NSMF: variants seen among roughly 807,000 people sequenced by gnomAD.
NSMF encodes the protein nasal embryonic LHRH factor.
NSMF carries 31 observed loss-of-function variants against 71.0 expected under a neutral mutation model. The observed-to-expected ratio is 0.44, with a 90% confidence interval of 0.33 to 0.59. NSMF has a LOEUF of 0.59. Among genes scored for constraint, NSMF ranks in the 20% least tolerant of loss-of-function variants. The probability of loss-of-function intolerance (pLI) is 0.04; values close to 1 mark genes in which losing one functional copy is unlikely to be tolerated. For missense variants in NSMF, 673 were observed against 740.5 expected, an observed-to-expected ratio of 0.91 and a Z score of 1.06; for synonymous variants, 345 against 287.1, an observed-to-expected ratio of 1.20 and a Z score of -2.04.
rs1413244490 is a variant in NSMF at position 137,453,876 on chromosome 9, C to G, written c.833-56G>C. On this transcript the variant is annotated intron_variant, in intron 7 of 15. Transcript: ENST00000371475. The surrounding 1 kb of genome is among the most constrained non-coding windows in gnomAD (Gnocchi z 4.5). ...GGGTGGGGCGGGGCCTCGGGAGTCT[C>G]AGACCCCAGGCGAGGGGACCACAGG... The G allele has an allele frequency of 6.8e-7, 1 of 1,465,858 alleles. No homozygotes were observed. Among genetic ancestry groups the G allele is most frequent in the Non-Finnish European group, 9.2e-7 (1 of 1,083,256 alleles). 90.8% of individuals were successfully genotyped at this position (1,465,858 alleles called of 1,614,324 possible).
chr9:137,452,081 C>T (rs1229567735), intron 12 of NSMF, among the ~76,000 whole-genome samples: 1 of 60,966 alleles, frequency 1.6e-5, no homozygotes, highest in Non-Finnish European at 3.1e-5. Context: ...CCCTTGGTCT[C>T]CCCCAGCCAC....
chr9:137,453,712 G>T lies in NSMF; in HGVS notation c.922+19C>A. On this transcript the variant is annotated intron_variant, in intron 8 of 15. Coordinates refer to ENST00000371475, the MANE Select transcript of NSMF (RefSeq NM_001130969.3). The surrounding 1 kb of genome is among the most constrained non-coding windows in gnomAD (Gnocchi z 4.5). ...GGGAGGCTCTGGGGAAGGTGGGCGG[G>T]CCTGTGCGGGGCACCTACTGTCTCG... 1 of 1,585,026 alleles carries T rather than the reference G, an allele frequency of 6.3e-7. No individual in the cohort carries two copies.
intron 1 of NSMF, 119 bp downstream of exon 1, chr9:137,458,913 G>T: frequency 2.6e-6 from 2 of 759,546 alleles, no homozygotes; most frequent in Non-Finnish European, 3.8e-6. Flanking sequence ...CGCGGGGAGG[G>T]CGCCTCAGTG....
chr9:137,455,079 G>T, intron 6 of NSMF, 160 bp downstream of exon 6: 1 of 812,762 alleles, frequency 1.2e-6, no homozygotes, highest in South Asian at 1.4e-5. Flanking sequence ...CTGCAGCCCG[G>T]GCCACATGGC....
At position 137,447,683 on chromosome 9, in the gene NSMF, C is replaced by T. The variant is rs1839670570; in HGVS notation, c.*1711G>A. Reference sequence around the variant, plus strand: ...TGGAGGTGGCTGACGGCTGTGTGACCACCCCCAGCACACTGGGCCTCAAGC... The same window carrying T: ...TGGAGGTGGCTGACGGCTGTGTGACTACCCCCAGCACACTGGGCCTCAAGC... On this transcript the variant is annotated 3_prime_UTR_variant, in exon 16 of 16. Coordinates refer to ENST00000371475, the MANE Select transcript of NSMF (RefSeq NM_001130969.3). 2 of 150,844 alleles carry T rather than the reference C, an allele frequency of 1.3e-5. No individual in the cohort carries two copies. The highest frequency in any genetic ancestry group is 4.9e-5 in the African/African-American group (2 of 40,892). The allele number at this position is 150,844 out of a possible 1,614,324, so 9.3% of individuals were successfully genotyped here. A position where few individuals can be genotyped will look rare whatever the true frequency, so the allele number is the denominator to read the frequency against.
rs1323533833 is a variant in NSMF, at chr9:137,453,441, C to T, written c.923-261G>A. The T allele has an allele frequency of 9.9e-6, 6 of 606,788 alleles. No individual in the cohort carries two copies. Among genetic ancestry groups the T allele is most frequent in the Admixed American group, 3.0e-5 (1 of 33,542 alleles). 37.6% of individuals were successfully genotyped at this position (606,788 alleles called of 1,614,324 possible). A position where few individuals can be genotyped will look rare whatever the true frequency, so the allele number is the denominator to read the frequency against. ...ATCAGCTCCAGCCAAGTCCGCCGGG[C>T]GCCTGGGAGGGAGTGGGGGCGGGCA... On this transcript the variant is annotated intron_variant, in intron 8 of 15. Coordinates refer to ENST00000371475, the MANE Select transcript of NSMF (RefSeq NM_001130969.3). The surrounding 1 kb of genome is among the most constrained non-coding windows in gnomAD (Gnocchi z 4.5).
chr9:137,456,348 G>A (rs549012277), intron 4 of NSMF, 63 bp downstream of exon 4: 18 of 1,338,030 alleles, frequency 1.3e-5, no homozygotes, highest in Non-Finnish European at 1.8e-5. Context: ...AAAAAGTGCT[G>A]TTTCCTGAGC....
Position 137,447,727 on chromosome 9 carries a change from C to A in NSMF, c.*1667G>T, listed in dbSNP as rs1588486838. The A allele has an allele frequency of 6.6e-6, 1 of 151,726 alleles. No homozygotes were observed. Among genetic ancestry groups the A allele is most frequent in the East Asian group, 1.9e-4 (1 of 5,144 alleles). 9.4% of individuals were successfully genotyped at this position (151,726 alleles called of 1,614,324 possible). A position where few individuals can be genotyped will look rare whatever the true frequency, so the allele number is the denominator to read the frequency against. On this transcript the variant is annotated 3_prime_UTR_variant, in exon 16 of 16. Coordinates refer to ENST00000371475, the MANE Select transcript of NSMF (RefSeq NM_001130969.3). Reference sequence around the variant, plus strand: ...CTCAAGCCTGCCAGGCTGTGCCAGGCTGCGCACCAGTGGCCCCCTGACCCT... The same window carrying A: ...CTCAAGCCTGCCAGGCTGTGCCAGGATGCGCACCAGTGGCCCCCTGACCCT...
chr9:137,456,277 G>A (rs1830829642), intron 4 of NSMF, 134 bp downstream of exon 4: 5 of 790,804 alleles, frequency 6.3e-6, no homozygotes, highest in Admixed American at 3.4e-5. Context: ...GGCAGGCCTG[G>A]CACAGCATAG....
Position 137,457,748 on chromosome 9 carries a change from CCCTCG to C in NSMF, c.282_286del (p.Glu95ProfsTer19). ...GATGGTGTACACTCGAGGCTGAGGGCCCTCGCCTGCGGGCTTCCTAATGCTGGGCT... is the reference window on the plus strand; with the variant it reads ...GATGGTGTACACTCGAGGCTGAGGGCCCTGCGGGCTTCCTAATGCTGGGCT... On this transcript the variant is annotated frameshift_variant, in exon 3 of 16. Coordinates refer to ENST00000371475, the MANE Select transcript of NSMF (RefSeq NM_001130969.3). LOFTEE classifies it high-confidence loss of function. 6.4e-7 allele frequency: 1 copy of C among 1,558,432 alleles called. No individual in the cohort carries two copies.
At chr9:137,456,388 C>T (rs771376790) in intron 4 of NSMF, 23 bp downstream of exon 4, 2 of 1,595,492 alleles carry the variant, frequency 1.3e-6, no homozygotes, top group Non-Finnish European at 1.7e-6. Flanking sequence ...ACCCTGACCC[C>T]AAGTCGTGGG....
Position 137,453,152 on chromosome 9 carries a change from C to A in NSMF, c.951G>T (p.Thr317=), listed in dbSNP as rs575023416. 5 of 1,612,526 alleles carry A rather than the reference C, an allele frequency of 3.1e-6. No homozygotes were observed. Among genetic ancestry groups the A allele is most frequent in the Non-Finnish European group, 4.2e-6 (5 of 1,179,902 alleles). The change falls in exon 9 of 16, where the codon ACG becomes ACT. Residue 317 remains threonine, a synonymous_variant. Coordinates refer to ENST00000371475, the MANE Select transcript of NSMF (RefSeq NM_001130969.3). The surrounding 1 kb of genome is among the most constrained non-coding windows in gnomAD (Gnocchi z 4.5). ...DSSDLQSSHC[T]LDEAFEDLDW... The stretch of plus-strand genomic sequence containing the variant: ...CCAGGTCCTCGAAGGCCTCGTCCAG[C>A]GTGCAGTGGGAGCTCTGCAGGTCAC...
Position 137,454,727 on chromosome 9 carries a change from G to A in NSMF, c.780-284C>T, listed in dbSNP as rs556479311. On this transcript the variant is annotated intron_variant, in intron 6 of 15. Transcript: ENST00000371475. Reference sequence around the variant, plus strand: ...CTGCATTCCCAGGCTCTGACCTTCCGTCCTCGCCCGGGACTTACGCCCTGA... The same window carrying A: ...CTGCATTCCCAGGCTCTGACCTTCCATCCTCGCCCGGGACTTACGCCCTGA... 29 of 1,489,650 alleles carry A rather than the reference G, an allele frequency of 1.9e-5. No homozygotes were observed. In the East Asian group the frequency reaches 3.5e-4, roughly 18 times the overall value. The allele number at this position is 1,489,650 out of a possible 1,614,324, so 92.3% of individuals were successfully genotyped here.
chr9:137,452,895 T>A, intron 9 of NSMF, 76 bp from the exon 10 acceptor site: 1 of 1,548,130 alleles, frequency 6.5e-7, no homozygotes, highest in Non-Finnish European at 8.8e-7. Flanking sequence ...CCCATGAGGC[T>A]ACCTTCTGGC....
rs368714591 is a variant in NSMF at position 137,450,289 on chromosome 9, C to T, written c.1237-34G>A. 1.3e-5 allele frequency: 20 copies of T among 1,556,362 alleles called. No homozygotes were observed. The East Asian group carries it at 3.4e-4, about 26-fold the overall frequency. On this transcript the variant is annotated intron_variant, in intron 12 of 15. Transcript: ENST00000371475. ...AGCTGTGGTCAGGCATCTGCTCCTC[C>T]TTCCTCCCCCTCTCCGACACACATG...
chr9:137,457,367 C>A, intron 3 of NSMF, 40 bp downstream of exon 3: 1 of 1,612,480 alleles, frequency 6.2e-7, no homozygotes, highest in African/African-American at 1.3e-5. Context: ...CAGCGGCATG[C>A]ACCCCCAAAC....
intron 4 of NSMF, 80 bp downstream of exon 4, chr9:137,456,331 G>T: frequency 1.7e-6 from 2 of 1,172,506 alleles, no homozygotes; most frequent in Non-Finnish European, 2.6e-6. Context: ...TAGGCCCAGA[G>T]ACTGGGAAAA....
chr9:137,453,915 G>A lies in NSMF; in HGVS notation c.833-95C>T. The A allele has an allele frequency of 1.9e-6, 2 of 1,068,626 alleles. No individual in the cohort carries two copies. The highest frequency in any genetic ancestry group is 1.4e-5 in the South Asian group (1 of 73,290). 66.2% of individuals were successfully genotyped at this position (1,068,626 alleles called of 1,614,324 possible). On this transcript the variant is annotated intron_variant, in intron 7 of 15. Transcript: ENST00000371475. The surrounding 1 kb of genome is among the most constrained non-coding windows in gnomAD (Gnocchi z 4.5). Reference sequence around the variant, plus strand: ...GGGGACCACAGGGGCCCTGGGCAGAGGAGGAAGCTAATGTGGGTGGGGTCT... The same window carrying A: ...GGGGACCACAGGGGCCCTGGGCAGAAGAGGAAGCTAATGTGGGTGGGGTCT...
intron 12 of NSMF, 44 bp from the exon 13 acceptor site, chr9:137,450,299 C>G (rs763416354): frequency 9.9e-6 from 15 of 1,509,142 alleles, no homozygotes; most frequent in South Asian, 2.2e-5. Context: ...CTTCCTCCCC[C>G]TCTCCGACAC....
Sources: gnomAD v4.1 joint callset for allele counts (sites outside exome capture counted in the v4.1 genomes callset) on GRCh38, gnomAD v4.1.1 for gene constraint, Gnocchi (gnomAD v3.1) non-coding constraint, MANE v1.5 for transcripts, NCBI Gene and HGNC (gene_info 2026-07-23, HGNC 2026-07-21) for gene names.